CADM2: variants seen among roughly 807,000 people sequenced by gnomAD.
CADM2 encodes immunoglobulin superfamily member 4D.
A neutral mutation model predicts 49.8 loss-of-function variants in CADM2; 12 were observed. That is an observed-to-expected ratio of 0.24 (90% CI 0.15 to 0.39). The LOEUF (loss-of-function observed/expected upper bound fraction) is 0.39. Ranked by LOEUF, CADM2 falls within the 10% of genes least tolerant of loss-of-function variation. CADM2 has a pLI of 1.00. For missense variants in CADM2, 378 were observed against 492.3 expected, an observed-to-expected ratio of 0.77 and a Z score of 2.20; for synonymous variants, 214 against 175.4, an observed-to-expected ratio of 1.22 and a Z score of -1.74.
chr3:85,146,893 T>C (rs1371997510), intron 1 of CADM2, among the ~76,000 whole-genome samples: 1 of 151,970 alleles, frequency 6.6e-6, no homozygotes, highest in Admixed American at 6.6e-5. Flanking sequence ...ATGGGACATA[T>C]GAAGACATTT....
intron 1 of CADM2, among the ~76,000 whole-genome samples, chr3:85,157,048 GACAA>G (rs1323610864): frequency 1.3e-5 from 2 of 152,042 alleles, no homozygotes; most frequent in Non-Finnish European, 2.9e-5. Flanking sequence ...ACCAACAACA[GACAA>G]ACAGAGAGCC....
chr3:85,016,139 C>T (rs984177586), intron 1 of CADM2, among the ~76,000 whole-genome samples: 1 of 152,040 alleles, frequency 6.6e-6, no homozygotes, highest in African/African-American at 2.4e-5. Context: ...GTGAAAAGAG[C>T]AGTCCAGAAG....
intron 2 of CADM2, among the ~76,000 whole-genome samples, chr3:85,738,541 G>A (rs1391523504): frequency 1.3e-5 from 2 of 152,162 alleles, no homozygotes; most frequent in African/African-American, 4.8e-5. Flanking sequence ...ATGGCCAGTA[G>A]GTCATTTCAG....
intron 1 of CADM2, chr3:85,511,817 C>T: frequency 1.1e-6 from 1 of 930,958 alleles, no homozygotes; most frequent in Non-Finnish European, 1.3e-6. Flanking sequence ...AATAATATCC[C>T]TTTGAAACTA....
At chr3:85,445,101 G>C (rs1313678918) in intron 1 of CADM2, among the ~76,000 whole-genome samples, 4 of 152,090 alleles carry the variant, frequency 2.6e-5, no homozygotes, top group Non-Finnish European at 5.9e-5. Context: ...CCCTGTAAAA[G>C]AGTAGTTTTT....
intron 1 of CADM2, among the ~76,000 whole-genome samples, chr3:85,638,891 A>G (rs1262847220): frequency 6.6e-6 from 1 of 152,138 alleles, no homozygotes; most frequent in East Asian, 1.9e-4. Context: ...TATTTCCCCA[A>G]TGTAAACTTA....
intron 1 of CADM2, among the ~76,000 whole-genome samples, chr3:85,541,815 A>G (rs908111381): frequency 1.4e-5 from 2 of 144,080 alleles, no homozygotes; most frequent in South Asian, 4.4e-4. Context: ...TATGTCAGAG[A>G]CTGGCACAAA....
In CADM2 at chr3:85,948,986, G is replaced by A. The variant is rs1397962831; in HGVS notation, c.792-12483G>A. ...GCCAGGAGATGTCATGGAAATGTGA[G>A]GCATGGTGGACTTAAGCACCACCAC... On this transcript the variant is annotated intron_variant, in intron 7 of 9. Transcript: ENST00000383699. Among the ~76,000 whole-genome samples, 3 of 151,266 alleles carry A rather than the reference G, an allele frequency of 2.0e-5. 1 individual carries two copies. In the South Asian group the frequency reaches 6.2e-4, roughly 31 times the overall value.
At chr3:85,149,294 G>T (rs1487948397) in intron 1 of CADM2, among the ~76,000 whole-genome samples, 3 of 152,108 alleles carry the variant, frequency 2.0e-5, no homozygotes, top group Admixed American at 2.0e-4. Context: ...GAAGGACCTT[G>T]TCAGATGCTG....
chr3:84,959,752 C>A, intron 1 of CADM2, 84 bp downstream of exon 1: 1 of 1,259,360 alleles, frequency 7.9e-7, no homozygotes, highest in Non-Finnish European at 1.1e-6. Context: ...CCACTCTCCC[C>A]TCCCAGTCTC....
chr3:85,607,969 TA>T lies in CADM2; in HGVS notation c.62-118546del, dbSNP rs759931215. 2.0e-5 allele frequency among the ~76,000 whole-genome samples: 3 copies of T among 152,020 alleles called. No homozygotes were observed. The South Asian group carries it at 6.2e-4, about 31-fold the overall frequency. Reference sequence around the variant, plus strand: ...CACGCCCGGCCAATAATTAGAAATTTAAAAAAATATACATTTATTAGAAACA... The same window carrying T: ...CACGCCCGGCCAATAATTAGAAATTTAAAAAATATACATTTATTAGAAACA... On this transcript the variant is annotated intron_variant, in intron 1 of 9. Coordinates refer to ENST00000383699, the MANE Select transcript of CADM2 (RefSeq NM_001167675.2).
intron 1 of CADM2, among the ~76,000 whole-genome samples, chr3:85,610,840 T>G (rs569531728): frequency 6.6e-6 from 1 of 152,140 alleles, no homozygotes; most frequent in East Asian, 1.9e-4. Flanking sequence ...TCTTTTTATT[T>G]GATTTTTGAA....
intron 1 of CADM2, among the ~76,000 whole-genome samples, chr3:85,441,479 CAT>C (rs1428265052): frequency 5.9e-5 from 9 of 152,038 alleles, no homozygotes; most frequent in African/African-American, 2.2e-4. Context: ...TACAGAGAGT[CAT>C]ATTTGAAATA....
At chr3:85,945,869 A>C (rs1722615461) in intron 7 of CADM2, among the ~76,000 whole-genome samples, 1 of 152,128 alleles carries the variant, frequency 6.6e-6, no homozygotes, top group Non-Finnish European at 1.5e-5. Context: ...AAACTGGCAC[A>C]AGACAGGGAT....
At chr3:85,244,634 A>G (rs920899424) in intron 1 of CADM2, among the ~76,000 whole-genome samples, 1 of 152,128 alleles carries the variant, frequency 6.6e-6, no homozygotes, top group Admixed American at 6.6e-5. Flanking sequence ...GTAAGTATAA[A>G]TCTTCAGATA....
intron 1 of CADM2, among the ~76,000 whole-genome samples, chr3:85,715,206 A>G (rs1015383963): frequency 6.6e-6 from 1 of 152,210 alleles, no homozygotes; most frequent in Non-Finnish European, 1.5e-5. Context: ...TCTTAGTGGT[A>G]GATACCATCC....
intron 1 of CADM2, among the ~76,000 whole-genome samples, chr3:85,031,175 A>G (rs1351243535): frequency 1.3e-5 from 2 of 152,198 alleles, no homozygotes; most frequent in Non-Finnish European, 2.9e-5. Flanking sequence ...AGCGACGGCC[A>G]TAAACACCCA....
At chr3:85,145,619 G>A (rs945211992) in intron 1 of CADM2, among the ~76,000 whole-genome samples, 5 of 152,138 alleles carry the variant, frequency 3.3e-5, no homozygotes, top group South Asian at 4.2e-4. Context: ...TTATGTAGTG[G>A]TGTCTATCAC....
At chr3:84,985,552 TTAA>T (rs2032502008) in intron 1 of CADM2, among the ~76,000 whole-genome samples, 1 of 150,666 alleles carries the variant, frequency 6.6e-6, no homozygotes, top group East Asian at 1.9e-4. Flanking sequence ...TCATGGCTTA[TTAA>T]TAATAATGAA....
Sources: gnomAD v4.1 joint callset for allele counts (sites outside exome capture counted in the v4.1 genomes callset) on GRCh38, gnomAD v4.1.1 for gene constraint, MANE v1.5 for transcripts, NCBI Gene and HGNC (gene_info 2026-07-23, HGNC 2026-07-21) for gene names.